The following SNX29 variants were observed in gnomAD, a reference collection of about 807,000 sequenced individuals.
SNX29 encodes sorting nexin 29.
In SNX29, 78 loss-of-function variants were observed where a neutral mutation model predicts 102.1. The observed-to-expected ratio is 0.76, with a 90% CI of 0.64 to 0.92. SNX29 has a LOEUF of 0.92. Ranked by LOEUF, SNX29 falls within the 40% of genes least tolerant of loss-of-function variation. SNX29 has a pLI of 0.00. For synonymous variants in SNX29, 580 were observed against 414.5 expected (o/e 1.40, Z -4.85); for missense variants, 1,280 against 1,061.7 (o/e 1.21, Z -2.86).
intron 15 of SNX29, among the ~76,000 whole-genome samples, chr16:12,348,025 C>T (rs2081869412): frequency 6.6e-6 from 1 of 152,042 alleles, no homozygotes; most frequent in Non-Finnish European, 1.5e-5. Flanking sequence ...GCTGCATGAG[C>T]TGTGATTGCA....
chr16:12,030,076 T>C (rs1297114230), intron 4 of SNX29, among the ~76,000 whole-genome samples: 1 of 152,216 alleles, frequency 6.6e-6, no homozygotes, highest in Non-Finnish European at 1.5e-5. Context: ...GGATCTGACT[T>C]TGAAACACTG....
chr16:12,269,820 C>T (rs1206418643), intron 14 of SNX29, among the ~76,000 whole-genome samples: 1 of 140,122 alleles, frequency 7.1e-6, no homozygotes, highest in Non-Finnish European at 1.6e-5. Flanking sequence ...TACTTTACAT[C>T]ATCATCATCA....
intron 15 of SNX29, among the ~76,000 whole-genome samples, chr16:12,320,835 G>A (rs997826029): frequency 3.9e-5 from 6 of 152,196 alleles, no homozygotes; most frequent in Admixed American, 2.6e-4. Context: ...AGATGAAAAG[G>A]CAATTGGGAG....
chr16:12,229,280 A>G (rs926483124), intron 14 of SNX29, among the ~76,000 whole-genome samples: 5 of 152,252 alleles, frequency 3.3e-5, no homozygotes, highest in Non-Finnish European at 7.3e-5. Context: ...TACCTGGCAC[A>G]TAGTAGGTGT....
intron 16 of SNX29, among the ~76,000 whole-genome samples, chr16:12,365,326 T>TTGTGTGTGTGTGTGTGTGTGTG (rs58869867): frequency 7.2e-5 from 10 of 139,770 alleles, no homozygotes; most frequent in Non-Finnish European, 1.2e-4. Context: ...ACATCAGGAT[T>TTGTGTGTGTGTGTGTGTGTGTG]TGTGTGTGTG....
chr16:12,375,804 G>T (rs2082850936), intron 16 of SNX29: 1 of 152,238 alleles, frequency 6.6e-6, no homozygotes, highest in Admixed American at 6.6e-5. Flanking sequence ...AGGCTAAGGT[G>T]GGGGTGCATT....
chr16:12,110,313 G>C (rs117886861), intron 11 of SNX29, among the ~76,000 whole-genome samples: 1 of 152,076 alleles, frequency 6.6e-6, no homozygotes, highest in African/African-American at 2.4e-5. Context: ...TGTGTCTAAC[G>C]TCTCCTGCAG....
chr16:12,129,780 A>T (rs62038898), intron 13 of SNX29, 22 bp downstream of exon 13: 6 of 1,589,670 alleles, frequency 3.8e-6, no homozygotes, highest in Non-Finnish European at 4.3e-6. Flanking sequence ...TGAGGGATGG[A>T]GAGGTAAGCA....
chr16:12,053,079 T>G (rs2050371269), intron 8 of SNX29: 1 of 151,152 alleles, frequency 6.6e-6, no homozygotes, highest in Non-Finnish European at 1.5e-5. Flanking sequence ...TCACCTGAGG[T>G]CAGGAGTTCT....
Position 12,558,413 on chromosome 16 carries a change from G to C in SNX29, c.2319-10093G>C, listed in dbSNP as rs962765130. Reference sequence around the variant, plus strand: ...AGAGTGATATGTTAGCCTTGAAGTGGTGAAAGCTGACATCTAGAAAGCATT... The same window carrying C: ...AGAGTGATATGTTAGCCTTGAAGTGCTGAAAGCTGACATCTAGAAAGCATT... On this transcript the variant is annotated intron_variant, in intron 20 of 20. Coordinates refer to ENST00000566228, the MANE Select transcript of SNX29 (RefSeq NM_032167.5). 2.0e-5 allele frequency among the ~76,000 whole-genome samples: 3 copies of C among 152,208 alleles called. No homozygotes were observed. In the East Asian group the frequency reaches 5.8e-4, roughly 29 times the overall value.
At chr16:12,211,173 C>G (rs1225632570) in intron 14 of SNX29, among the ~76,000 whole-genome samples, 1 of 152,170 alleles carries the variant, frequency 6.6e-6, no homozygotes, top group Non-Finnish European at 1.5e-5. Context: ...TGATTGAATA[C>G]TCCTTGAGTA....
At chr16:12,368,212 G>A (rs1342131617) in intron 16 of SNX29, among the ~76,000 whole-genome samples, 1 of 152,220 alleles carries the variant, frequency 6.6e-6, no homozygotes, top group Admixed American at 6.5e-5. Flanking sequence ...GGGTTTGAGT[G>A]GAGGAGTTTG....
intron 17 of SNX29, among the ~76,000 whole-genome samples, chr16:12,399,438 C>G (rs1020677788): frequency 6.6e-6 from 1 of 152,336 alleles, no homozygotes; most frequent in African/African-American, 2.4e-5. Flanking sequence ...CTCTCTCATT[C>G]ATCTCTGGCG....
intron 15 of SNX29, among the ~76,000 whole-genome samples, chr16:12,354,985 G>C (rs1285030542): frequency 6.6e-6 from 1 of 152,104 alleles, no homozygotes; most frequent in Non-Finnish European, 1.5e-5. Flanking sequence ...GGACAGAAGG[G>C]GGTACCTTTG....
chr16:12,382,627 C>CG (rs1195756736), intron 16 of SNX29, among the ~76,000 whole-genome samples: 1 of 152,232 alleles, frequency 6.6e-6, no homozygotes, highest in Non-Finnish European at 1.5e-5. Flanking sequence ...TTACCATAAA[C>CG]GTGCTGGCTT....
At chr16:12,219,790 C>G (rs1000888225) in intron 14 of SNX29, among the ~76,000 whole-genome samples, 4 of 152,210 alleles carry the variant, frequency 2.6e-5, no homozygotes, top group Admixed American at 1.3e-4. Flanking sequence ...GATTTAGGGG[C>G]TTTGCTACCA....
At chr16:12,561,765 C>G (rs1472548264) in intron 20 of SNX29, among the ~76,000 whole-genome samples, 2 of 152,028 alleles carry the variant, frequency 1.3e-5, no homozygotes, top group East Asian at 3.9e-4. Context: ...AAATGAACAC[C>G]AAAGCACATG....
chr16:12,150,019 C>T (rs55906538), intron 13 of SNX29, among the ~76,000 whole-genome samples: 31,790 of 151,952 alleles, frequency 0.21, 3,482 homozygotes, highest in Middle Eastern at 0.26. Context: ...GTTTGGGGAA[C>T]GATTGAGGGT....
chr16:12,248,175 G>A (rs78573831), intron 14 of SNX29, among the ~76,000 whole-genome samples: 6,076 of 152,220 alleles, frequency 0.04, 430 homozygotes, highest in African/African-American at 0.14. Flanking sequence ...AACCCTTTAA[G>A]GCTTCCCTTC....
Sources: gnomAD v4.1 joint callset for allele counts (sites outside exome capture counted in the v4.1 genomes callset) on GRCh38, gnomAD v4.1.1 for gene constraint, MANE v1.5 for transcripts, NCBI Gene and HGNC (gene_info 2026-07-23, HGNC 2026-07-21) for gene names.